HSPBAP1: variants seen among roughly 807,000 people sequenced by gnomAD.
HSPBAP1 encodes the protein HSPB1-associated protein 1.
In HSPBAP1, 27 loss-of-function variants were observed where a neutral mutation model predicts 45.2. That is an observed-to-expected ratio of 0.60 (90% CI 0.44 to 0.82). The LOEUF is 0.82. Ranked by LOEUF, HSPBAP1 falls within the 40% of genes least tolerant of loss-of-function variation. HSPBAP1 has a pLI of 0.00. For missense variants in HSPBAP1, 510 were observed against 590.9 expected (o/e 0.86, Z 1.42); for synonymous variants, 204 against 202.7 (o/e 1.01, Z -0.06).
chr3:122,771,529 C>G (rs112436203), intron 2 of HSPBAP1, among the ~76,000 whole-genome samples: 40 of 152,296 alleles, frequency 2.6e-4, no homozygotes, highest in African/African-American at 9.4e-4. Flanking sequence ...AGGATAACAA[C>G]TATTTCTCCA....
intron 1 of HSPBAP1, among the ~76,000 whole-genome samples, chr3:122,780,673 C>A (rs1177393507): frequency 6.6e-6 from 1 of 151,652 alleles, no homozygotes; most frequent in Non-Finnish European, 1.5e-5. Flanking sequence ...CACCTCCCTC[C>A]CGGACGGGGT....
At position 122,741,192 on chromosome 3, in the gene HSPBAP1, A is replaced by G. The variant is rs1484564837; in HGVS notation, c.826-79T>C. ...AGATAATAAAGTCTGTTTTAATTTC[A>G]TCTTCTGTTCTCTCATTAATATAAG... On this transcript the variant is annotated intron_variant, in intron 6 of 7. Transcript: ENST00000306103. 10 of 1,042,704 alleles carry G rather than the reference A, an allele frequency of 9.6e-6. No homozygotes were observed. The East Asian group carries it at 2.4e-4, about 25-fold the overall frequency. 64.6% of individuals were successfully genotyped at this position (1,042,704 alleles called of 1,614,324 possible).
Position 122,764,914 on chromosome 3 carries a change from AGGTCAGGAGC to A in HSPBAP1, c.432+3777_432+3786del, listed in dbSNP as rs1210412195. The stretch of plus-strand genomic sequence containing the variant: ...TATTGTGATTTGAATTGGCTACTGA[AGGTCAGGAGC>A]CTCGTTAAGTCACCAGGACACAGAA... On this transcript the variant is annotated intron_variant, in intron 3 of 7. Coordinates refer to ENST00000306103, the MANE Select transcript of HSPBAP1 (RefSeq NM_024610.6). 5.9e-5 allele frequency among the ~76,000 whole-genome samples: 9 copies of A among 152,348 alleles called. No individual in the cohort carries two copies. The Middle Eastern group carries it at 0.02, about 345-fold the overall frequency.
intron 2 of HSPBAP1, among the ~76,000 whole-genome samples, chr3:122,777,410 T>C (rs937276868): frequency 2.0e-5 from 3 of 150,224 alleles, no homozygotes; most frequent in African/African-American, 7.3e-5. Flanking sequence ...CAAATATTTA[T>C]TTATTAAGTG....
chr3:122,746,863 C>A (rs1171325441), intron 6 of HSPBAP1, among the ~76,000 whole-genome samples: 1 of 152,124 alleles, frequency 6.6e-6, no homozygotes. Context: ...CTGTGTTGGC[C>A]GTGCTGGTCT....
intron 6 of HSPBAP1, among the ~76,000 whole-genome samples, chr3:122,747,144 C>T (rs371139867): frequency 4.6e-5 from 7 of 151,572 alleles, no homozygotes; most frequent in African/African-American, 9.7e-5. Flanking sequence ...CCCCTCTGCC[C>T]GGCTGCCCAG....
rs76676619 is a variant in HSPBAP1, at chr3:122,746,311, T to C, written c.826-5198A>G. ...AAAATCAAAAGGTTTTTTTTTTTTT[T>C]CCTAAAGCTAGACAAGCTGATTTTA... On this transcript the variant is annotated intron_variant, in intron 6 of 7. Coordinates refer to ENST00000306103, the MANE Select transcript of HSPBAP1 (RefSeq NM_024610.6). Among the ~76,000 whole-genome samples the C allele has an allele frequency of 2.4e-3, 348 of 147,422 alleles. 2 individuals carry two copies. Among genetic ancestry groups the C allele is most frequent in the African/African-American group, 7.8e-3 (310 of 39,970 alleles).
In HSPBAP1 at chr3:122,740,876, C is replaced by T. The variant is rs1261355650; in HGVS notation, c.937-1G>A. 1 of 1,612,910 alleles carries T rather than the reference C, an allele frequency of 6.2e-7. No homozygotes were observed. The highest frequency in any genetic ancestry group is 8.5e-7 in the Non-Finnish European group (1 of 1,179,396). On this transcript the variant is annotated splice_acceptor_variant, in intron 7 of 7. Transcript: ENST00000306103. LOFTEE classifies it high-confidence loss of function. ...TGACTGCATGGGACGTTTCCTCAAC[C>T]TAAGGGAAGAGAAAAACCTTTTAAA...
intron 2 of HSPBAP1, among the ~76,000 whole-genome samples, chr3:122,770,054 A>G (rs1348685557): frequency 6.6e-6 from 1 of 152,260 alleles, no homozygotes; most frequent in Non-Finnish European, 1.5e-5. Flanking sequence ...TAGCTGAATC[A>G]GTAGCAGGAA....
At chr3:122,741,377 T>C in intron 6 of HSPBAP1, 2 of 390,490 alleles carry the variant, frequency 5.1e-6, no homozygotes, top group Middle Eastern at 1.5e-3. Flanking sequence ...CACCTTATGA[T>C]ATTTTCTCCA....
chr3:122,747,116 C>A (rs1434808402), intron 6 of HSPBAP1, among the ~76,000 whole-genome samples: 1 of 151,882 alleles, frequency 6.6e-6, no homozygotes, highest in Admixed American at 6.6e-5. Flanking sequence ...GGCCGCCTAT[C>A]GTCTGGGATG....
intron 2 of HSPBAP1, among the ~76,000 whole-genome samples, chr3:122,772,296 G>A (rs1935029572): frequency 6.6e-6 from 1 of 152,042 alleles, no homozygotes; most frequent in Non-Finnish European, 1.5e-5. Flanking sequence ...AGAACTTTGT[G>A]TAACTCTAAA....
chr3:122,762,528 C>T (rs1035284058), intron 3 of HSPBAP1, among the ~76,000 whole-genome samples: 1 of 152,194 alleles, frequency 6.6e-6, no homozygotes, highest in African/African-American at 2.4e-5. Flanking sequence ...CTCCCTGTCT[C>T]TTACTTGCAG....
intron 4 of HSPBAP1, among the ~76,000 whole-genome samples, chr3:122,755,845 C>T (rs748215427): frequency 1.1e-4 from 17 of 152,290 alleles, no homozygotes; most frequent in Non-Finnish European, 2.4e-4. Context: ...AGCAAACACT[C>T]ATAGTTCTAT....
chr3:122,778,215 GT>G (rs1285690466), intron 1 of HSPBAP1, among the ~76,000 whole-genome samples: 1 of 42,678 alleles, frequency 2.3e-5, no homozygotes, highest in African/African-American at 5.6e-5. Context: ...AGTTTTTTTT[GT>G]TGTTTTTTTT....
intron 3 of HSPBAP1, among the ~76,000 whole-genome samples, chr3:122,766,071 G>T (rs1178244925): frequency 1.3e-5 from 2 of 152,148 alleles, no homozygotes; most frequent in Admixed American, 1.3e-4. Context: ...GAGAAGCAGA[G>T]AATCCAGCTG....
intron 4 of HSPBAP1, among the ~76,000 whole-genome samples, chr3:122,758,342 G>A (rs542742254): frequency 4.0e-4 from 61 of 152,230 alleles, no homozygotes; most frequent in African/African-American, 1.4e-3. Context: ...CCTATCCCTC[G>A]TATCTTCTAG....
chr3:122,760,964 A>G (rs1003575721), intron 3 of HSPBAP1, among the ~76,000 whole-genome samples: 7 of 152,194 alleles, frequency 4.6e-5, no homozygotes, highest in Admixed American at 4.6e-4. Flanking sequence ...ATAATGAGTG[A>G]TAATCCCATA....
rs756330579 is a variant in HSPBAP1, at chr3:122,793,717, G to A, written c.-37C>T. 1.9e-5 allele frequency: 31 copies of A among 1,606,200 alleles called. No homozygotes were observed. The highest frequency in any genetic ancestry group is 5.0e-5 in the Admixed American group (3 of 59,968). On this transcript the variant is annotated 5_prime_UTR_variant, in exon 1 of 8. Coordinates refer to ENST00000306103, the MANE Select transcript of HSPBAP1 (RefSeq NM_024610.6). ...GGCGGGTTCTGCCGGAACCCAAGGC[G>A]GAGCGGAGCTGGGGTGGGGTCAGAG...
Sources: gnomAD v4.1 joint callset for allele counts (sites outside exome capture counted in the v4.1 genomes callset) on GRCh38, gnomAD v4.1.1 for gene constraint, MANE v1.5 for transcripts, NCBI Gene and HGNC (gene_info 2026-07-23, HGNC 2026-07-21) for gene names.